IFT122: variants seen among roughly 807,000 people sequenced by gnomAD.
The protein encoded by IFT122 is intraflagellar transport protein 122 homolog.
A neutral mutation model predicts 161.6 loss-of-function variants in IFT122; 118 were observed. That is an observed-to-expected ratio of 0.73 (90% CI 0.63 to 0.85). The LOEUF (loss-of-function observed/expected upper bound fraction) is 0.85, where lower values mean the gene tolerates loss of function less well. Among genes scored for constraint, IFT122 ranks in the 40% least tolerant of loss-of-function variants. The pLI is 0.00. For missense variants in IFT122, 1,381 were observed against 1,579.6 expected, an observed-to-expected ratio of 0.87 and a Z score of 2.13; for synonymous variants, 550 against 602.4, an observed-to-expected ratio of 0.91 and a Z score of 1.27.
intron 4 of IFT122, chr3:129,459,528 TA>T (rs2075941885): frequency 4.2e-6 from 1 of 236,622 alleles, no homozygotes; most frequent in South Asian, 3.9e-5. Flanking sequence ...TGACTACATC[TA>T]TTTTTTTTTT....
chr3:129,452,582 C>T (rs976917614), intron 3 of IFT122, among the ~76,000 whole-genome samples: 18 of 152,014 alleles, frequency 1.2e-4, no homozygotes, highest in African/African-American at 2.9e-4. Context: ...TGCAGAGGCC[C>T]TCAGGTGTGG....
intron 23 of IFT122, among the ~76,000 whole-genome samples, chr3:129,508,808 C>CG (rs35642925): frequency 0.34 from 52,161 of 152,008 alleles, 13,556 homozygotes; most frequent in African/African-American, 0.7. Flanking sequence ...GTGAATATTG[C>CG]GATGAGGCAA....
At chr3:129,487,229 T>C (rs2079390644) in intron 15 of IFT122, among the ~76,000 whole-genome samples, 1 of 152,208 alleles carries the variant, frequency 6.6e-6, no homozygotes, top group Non-Finnish European at 1.5e-5. Context: ...GGCAAGGCCT[T>C]TCCTTGTTAA....
rs780991214 is a variant in IFT122 at position 129,512,295 on chromosome 3, CT to C, written c.2887-13del. The C allele has an allele frequency of 6.3e-7, 1 of 1,589,178 alleles. No homozygotes were observed. Among genetic ancestry groups the C allele is most frequent in the Admixed American group, 1.7e-5 (1 of 60,000 alleles). On this transcript the variant is annotated splice_polypyrimidine_tract_variant and intron_variant, in intron 23 of 29. Coordinates refer to ENST00000348417, the MANE Select transcript of IFT122 (RefSeq NM_052989.3). ...TCTTGAAGAACTCAATCCCTGTTTG[CT>C]TTTCTCTCACTGCAGGAAGATCCGT... is the stretch of plus-strand genomic sequence containing the variant.
chr3:129,476,224 C>T (rs1577579905), intron 9 of IFT122, 91 bp from the exon 10 acceptor site: 2 of 1,415,134 alleles, frequency 1.4e-6, no homozygotes. Flanking sequence ...CCAACTCCCT[C>T]TAAAGTTGGC....
chr3:129,466,820 A>G, intron 7 of IFT122, 70 bp from the exon 8 acceptor site: 2 of 1,511,514 alleles, frequency 1.3e-6, no homozygotes, highest in Non-Finnish European at 1.8e-6. Flanking sequence ...GCTCCTTGCC[A>G]GGATTTTAAA....
intron 29 of IFT122, 36 bp downstream of exon 29, chr3:129,519,768 C>T: frequency 6.2e-7 from 1 of 1,611,326 alleles, no homozygotes; most frequent in Non-Finnish European, 8.5e-7. Flanking sequence ...ATGTGCTTCT[C>T]TTGGCCACTT....
chr3:129,519,274 G>A (rs974784798), intron 28 of IFT122, 88 bp downstream of exon 28: 7 of 1,258,286 alleles, frequency 5.6e-6, no homozygotes, highest in Non-Finnish European at 3.5e-6. Flanking sequence ...GCGCAGTGGT[G>A]GAGGAGGATT....
At chr3:129,455,819 A>G (rs996902366) in intron 3 of IFT122, among the ~76,000 whole-genome samples, 9 of 152,196 alleles carry the variant, frequency 5.9e-5, no homozygotes, top group Non-Finnish European at 1.0e-4. Context: ...AGAAAAAAGA[A>G]AAATATATTT....
chr3:129,512,928 A>G, intron 24 of IFT122: 1 of 180,972 alleles, frequency 5.5e-6, no homozygotes, highest in Non-Finnish European at 1.2e-5. Flanking sequence ...AGCTGAGGTC[A>G]GGGCCATGGT....
At position 129,506,470 on chromosome 3, in the gene IFT122, T is replaced by C; in HGVS notation, c.2712T>C (p.Asn904=). The C allele has an allele frequency of 1.2e-6, 2 of 1,614,226 alleles. No individual in the cohort carries two copies. The highest frequency in any genetic ancestry group is 1.1e-5 in the South Asian group (1 of 91,084). The part of the protein sequence containing the change: ...AVQVLEQLTN[N]AVAESRFNDA... ...AGGTGCTGGAGCAGCTCACAAACAA[T>C]GCCGTGGCGGAGAGCAGGTTTAATG... is the stretch of plus-strand genomic sequence containing the variant. The change falls in exon 22 of 30, where the codon AAT becomes AAC. Residue 904 remains asparagine (N), a synonymous_variant. Coordinates refer to ENST00000348417, the MANE Select transcript of IFT122 (RefSeq NM_052989.3).
intron 16 of IFT122, among the ~76,000 whole-genome samples, chr3:129,491,850 A>G (rs1253466021): frequency 1.3e-5 from 2 of 152,212 alleles, no homozygotes; most frequent in African/African-American, 4.8e-5. Context: ...GAGTCTCCCA[A>G]GGAGGCACCG....
intron 22 of IFT122, 105 bp downstream of exon 22, chr3:129,506,654 A>T (rs137977115): frequency 1.3e-5 from 19 of 1,468,876 alleles, no homozygotes; most frequent in Middle Eastern, 3.6e-4. Flanking sequence ...GGGCTTGTTT[A>T]TTGGGTGTAT....
rs765700460 is a variant in IFT122 at position 129,519,555 on chromosome 3, GC to G, written c.3472-10del. 9 of 1,612,370 alleles carry G rather than the reference GC, an allele frequency of 5.6e-6. No homozygotes were observed. In the South Asian group the frequency reaches 9.9e-5, roughly 18 times the overall value. On this transcript the variant is annotated splice_polypyrimidine_tract_variant and intron_variant, in intron 28 of 29. Transcript: ENST00000348417. Reference sequence around the variant, plus strand: ...AGTGAGGACACTGTGCCTCCTTCCCGCCCACCCTGCAGCAAGGTGGCTCAGA... The same window carrying G: ...AGTGAGGACACTGTGCCTCCTTCCCGCCACCCTGCAGCAAGGTGGCTCAGA...
chr3:129,495,646 GC>G (rs1165872503), intron 18 of IFT122, 39 bp downstream of exon 18: 2 of 1,608,802 alleles, frequency 1.2e-6, no homozygotes, highest in African/African-American at 1.3e-5. Flanking sequence ...CCAGCTTGGA[GC>G]CCACTGGTAT....
chr3:129,518,178 C>T (rs2084248763), intron 27 of IFT122, among the ~76,000 whole-genome samples: 1 of 152,232 alleles, frequency 6.6e-6, no homozygotes, highest in African/African-American at 2.4e-5. Flanking sequence ...GGAGCAGTGC[C>T]AGCCCCACAT....
intron 23 of IFT122, 122 bp downstream of exon 23, chr3:129,507,884 A>C: frequency 1.3e-6 from 1 of 786,152 alleles, no homozygotes; most frequent in Non-Finnish European, 2.2e-6. Flanking sequence ...ACTGCTGAGG[A>C]ATCTTGGTCT....
At chr3:129,469,255 TC>T (rs1407162099) in intron 8 of IFT122, 86 bp from the exon 9 acceptor site, 5 of 1,204,994 alleles carry the variant, frequency 4.1e-6, no homozygotes, top group Non-Finnish European at 6.2e-6. Flanking sequence ...GGCCAGGACT[TC>T]CTTGTTCCTG....
chr3:129,457,376 G>A (rs2075636918), intron 3 of IFT122, among the ~76,000 whole-genome samples: 1 of 152,148 alleles, frequency 6.6e-6, no homozygotes, highest in Non-Finnish European at 1.5e-5. Flanking sequence ...GTGTCCCTGA[G>A]GTCCCAAGAG....
Sources: allele counts gnomAD v4.1 joint callset (sites outside exome capture counted in the v4.1 genomes callset), GRCh38; gene constraint gnomAD v4.1.1; transcripts MANE v1.5; gene names NCBI Gene and HGNC (gene_info 2026-07-23, HGNC 2026-07-21).